The following GPRC5D variants were observed in gnomAD, a reference collection of about 807,000 sequenced individuals.
GPRC5D encodes the protein G protein-coupled receptor family C group 5 member D.
GPRC5D carries 20 observed loss-of-function variants against 29.3 expected under a neutral mutation model. That is an observed-to-expected ratio of 0.68 (90% CI 0.48 to 0.99). GPRC5D has a LOEUF of 0.99. Ranked by LOEUF, GPRC5D falls within the 50% of genes least tolerant of loss-of-function variation. GPRC5D has a pLI of 0.00. For synonymous variants in GPRC5D, 178 were observed against 171.3 expected, an observed-to-expected ratio of 1.04 and a Z score of -0.30; for missense variants, 384 against 423.6, an observed-to-expected ratio of 0.91 and a Z score of 0.82.
intron 1 of GPRC5D, among the ~76,000 whole-genome samples, chr12:12,946,720 G>GGT (rs1863358399): frequency 6.6e-6 from 1 of 152,134 alleles, no homozygotes; most frequent in Admixed American, 6.5e-5. Context: ...CTCTCAAAGT[G>GGT]GTGGGATTGC....
chr12:12,943,689 G>T (rs752691076), intron 1 of GPRC5D, among the ~76,000 whole-genome samples: 3 of 150,528 alleles, frequency 2.0e-5, no homozygotes, highest in Non-Finnish European at 4.4e-5. Flanking sequence ...TTTCCTTCAT[G>T]GCAGAACAAA....
upstream of GPRC5D, chr12:12,950,466 A>G (rs1863466838): frequency 6.3e-6 from 6 of 945,440 alleles, no homozygotes; most frequent in East Asian, 9.6e-5. Flanking sequence ...ACAACTCTGC[A>G]TCTCTTAGGT....
intron 1 of GPRC5D, chr12:12,944,569 A>C (rs1442679864): frequency 6.6e-6 from 1 of 152,056 alleles, no homozygotes; most frequent in East Asian, 1.9e-4. Context: ...AGAAGGGCTT[A>C]TGTTTGCAGG....
chr12:12,950,578 G>C (rs1285071132), upstream of GPRC5D: 3 of 577,114 alleles, frequency 5.2e-6, no homozygotes, highest in Non-Finnish European at 9.2e-6. Flanking sequence ...AGGCTGAGGC[G>C]GGCCGATCAC....
rs748341471 is a variant in GPRC5D at position 12,949,753 on chromosome 12, A to G, written c.632T>C (p.Leu211Pro). The G allele has an allele frequency of 2.5e-6, 4 of 1,614,182 alleles. No individual in the cohort carries two copies. In the South Asian group the frequency reaches 4.4e-5, roughly 18 times the overall value. The change falls in exon 1 of 3, where the codon CTC becomes CCC. Residue 211 changes from leucine (L) to proline (P), a missense_variant. By Grantham distance (98) the Leu-to-Pro change is moderately conservative. Transcript: ENST00000228887. ...CACCACCCAGATGATGATGGAGAAG[A>G]GCACAGTGATAAAGATGAGCCTTCC...
At chr12:12,949,549 G>A (rs772004422) in exon 1 of GPRC5D, 7 of 1,597,900 alleles carry the variant, frequency 4.4e-6, no homozygotes, top group Non-Finnish European at 6.0e-6. Flanking sequence ...GACGGGGCAG[G>A]CATTGCCTTG....
At chr12:12,944,797 CT>C (rs1445118079) in intron 1 of GPRC5D, among the ~76,000 whole-genome samples, 1 of 24,762 alleles carries the variant, frequency 4.0e-5, no homozygotes, top group African/African-American at 7.0e-5. Context: ...TCCTTCCTTC[CT>C]TCCCTTCCTT....
At chr12:12,942,596 G>A (rs532739821) in intron 1 of GPRC5D, among the ~76,000 whole-genome samples, 4 of 152,174 alleles carry the variant, frequency 2.6e-5, no homozygotes, top group Non-Finnish European at 2.9e-5. Flanking sequence ...TTAGCTGGGC[G>A]TGGTGGCGTG....
exon 1 of GPRC5D, chr12:12,949,717 A>C: frequency 6.2e-7 from 1 of 1,614,182 alleles, no homozygotes; most frequent in East Asian, 2.2e-5. Context: ...TCTCAGGAGC[A>C]TGGAGATCCA....
chr12:12,946,771 C>T (rs1863359950), intron 1 of GPRC5D, among the ~76,000 whole-genome samples: 1 of 152,000 alleles, frequency 6.6e-6, no homozygotes, highest in Non-Finnish European at 1.5e-5. Context: ...GTGAAATTTC[C>T]AGCTAGGGAT....
Position 12,944,836 on chromosome 12 carries a change from TCCTTCCTTCCTTCCTTC to T in GPRC5D, c.896-2525_896-2509del, listed in dbSNP as rs1863250255. Among the ~76,000 whole-genome samples the T allele has an allele frequency of 3.4e-4, 12 of 35,626 alleles. 1 individual carries two copies. The highest frequency in any genetic ancestry group is 1.2e-3 in the Admixed American group (3 of 2,466). The allele number at this position is 35,626 out of a possible 152,430, so 23.4% of individuals were successfully genotyped here. On this transcript the variant is annotated intron_variant, in intron 1 of 2. Transcript: ENST00000228887. ...TTCCTTCCTTCCTTCCTTCCTTCCT[TCCTTCCTTCCTTCCTTC>T]TTTCTTTCTTTCTTTCTTTCTTTCT...
At chr12:12,949,710 C>T in exon 1 of GPRC5D, 1 of 1,605,024 alleles carries the variant, frequency 6.2e-7, no homozygotes, top group Non-Finnish European at 8.5e-7. Flanking sequence ...GGTTGCCTCT[C>T]AGGAGCATGG....
At chr12:12,944,384 G>A (rs1281087101) in intron 1 of GPRC5D, 1 of 152,118 alleles carries the variant, frequency 6.6e-6, no homozygotes, top group Admixed American at 6.6e-5. Context: ...CTCTCTCTGT[G>A]ACCTGTAATT....
chr12:12,948,448 T>C (rs567704901), intron 1 of GPRC5D: 2 of 154,406 alleles, frequency 1.3e-5, no homozygotes, highest in South Asian at 2.0e-4. Flanking sequence ...AGATTACAGC[T>C]CAAAAAAAGT....
chr12:12,940,957 G>A (rs1340584449), intron 2 of GPRC5D, 108 bp from the exon 4 acceptor site: 7 of 710,938 alleles, frequency 9.8e-6, no homozygotes, highest in African/African-American at 3.5e-5. Flanking sequence ...TGTCACCCAG[G>A]CTGGAGTGCA....
rs1565477040 is a variant in GPRC5D at position 12,944,810 on chromosome 12, C to CT, written c.896-2483dup. Among the ~76,000 whole-genome samples, 35 of 18,448 alleles carry CT rather than the reference C, an allele frequency of 1.9e-3. 2 individuals carry two copies. Among genetic ancestry groups the CT allele is most frequent in the East Asian group, 7.2e-3 (3 of 418 alleles). The allele number at this position is 18,448 out of a possible 152,430, so 12.1% of individuals were successfully genotyped here. On this transcript the variant is annotated intron_variant, in intron 1 of 2. Transcript: ENST00000228887. ...CTTCCTTCCTTCCTTCCCTTCCTTC[C>CT]TTCCTTCCTTCCTTCCTTCCTTCCT...
At chr12:12,943,383 G>C (rs1416348451) in intron 1 of GPRC5D, among the ~76,000 whole-genome samples, 4 of 152,180 alleles carry the variant, frequency 2.6e-5, no homozygotes, top group African/African-American at 2.4e-5. Context: ...TCTCTCATTT[G>C]TGTTACCTAC....
intron 1 of GPRC5D, chr12:12,947,342 T>C (rs1863373740): frequency 6.6e-6 from 1 of 152,238 alleles, no homozygotes; most frequent in Non-Finnish European, 1.5e-5. Context: ...TTCGTATCTA[T>C]TTGTATGTTT....
chr12:12,946,298 TCCTTCCTTCCTTTTC>T (rs1863324084), intron 1 of GPRC5D, among the ~76,000 whole-genome samples: 4 of 30,220 alleles, frequency 1.3e-4, no homozygotes, highest in African/African-American at 4.7e-4. Flanking sequence ...CTTTCTTCCT[TCCTTCCTTCCTTTTC>T]TTTCTTTCTT....
Sources: gnomAD v4.1 joint callset for allele counts (sites outside exome capture counted in the v4.1 genomes callset) on GRCh38, gnomAD v4.1.1 for gene constraint, MANE v1.5 for transcripts, NCBI Gene and HGNC (gene_info 2026-07-23, HGNC 2026-07-21) for gene names.